Variants in VWA5B2 observed in about 807,000 individuals in gnomAD.
VWA5B2 encodes the protein von Willebrand factor A domain-containing protein 5B2.
VWA5B2 carries 93 observed loss-of-function variants against 118.5 expected under a neutral mutation model. The observed-to-expected ratio is 0.79, with a 90% CI of 0.66 to 0.93. The LOEUF (loss-of-function observed/expected upper bound fraction) is 0.93, where lower values mean the gene tolerates loss of function less well. Ranked by LOEUF, VWA5B2 falls within the 40% of genes least tolerant of loss-of-function variation. The pLI is 0.00. For synonymous variants in VWA5B2, 708 were observed against 716.3 expected (o/e 0.99, Z 0.19); for missense variants, 1,546 against 1,672.8 (o/e 0.92, Z 1.32).
Position 184,239,311 on chromosome 3 carries a change from G to A in VWA5B2, c.2203-83G>A. ...GCGGCCACCCAGGGTTTCAGAAAAG[G>A]GGCATGGGCCAGCTGTGCACCCATG... is the stretch of plus-strand genomic sequence containing the variant. On this transcript the variant is annotated intron_variant, in intron 14 of 19. Transcript: ENST00000691901. This position sits in a 1 kb window ranked among gnomAD's most constrained non-coding sequence, Gnocchi z 5.1. The A allele has an allele frequency of 2.9e-6, 4 of 1,381,816 alleles. No individual in the cohort carries two copies. Among genetic ancestry groups the A allele is most frequent in the Non-Finnish European group, 3.8e-6 (4 of 1,056,768 alleles). 85.6% of individuals were successfully genotyped at this position (1,381,816 alleles called of 1,614,324 possible).
At position 184,240,900 on chromosome 3, in the gene VWA5B2, G is replaced by T; in HGVS notation, c.2850G>T (p.Leu950=). ...TGGATGCTACTACTAGGGAGGTCCT[G>T]CCTGGGGCCCTGCAGGTGTGCAGCT... ...VAVDATTREV[L]PGALQVCSSE... The change falls in exon 17 of 20, where the codon CTG becomes CTT. Residue 950 remains leucine (L), a synonymous_variant. Transcript: ENST00000691901. The T allele has an allele frequency of 6.4e-7, 1 of 1,551,618 alleles. No homozygotes were observed. Among genetic ancestry groups the T allele is most frequent in the Non-Finnish European group, 8.7e-7 (1 of 1,146,970 alleles).
At position 184,240,864 on chromosome 3, in the gene VWA5B2, C is replaced by A; in HGVS notation, c.2814C>A (p.Cys938Ter). ...GCTCTGCCCCCTCCTGCTTCACTTG[C>A]CCTGTAGCTGTGGATGCTACTACTA... is the stretch of plus-strand genomic sequence containing the variant. ...KVSSAPSCFT[C>*]PVAVDATTRE... The change falls in exon 17 of 20, where the codon TGC becomes TGA. Residue 938 changes from cysteine to a stop codon, truncating the protein, a stop_gained. Transcript: ENST00000691901. LOFTEE classifies it high-confidence loss of function. 2 of 1,551,664 alleles carry A rather than the reference C, an allele frequency of 1.3e-6. No individual in the cohort carries two copies. The highest frequency in any genetic ancestry group is 1.7e-6 in the Non-Finnish European group (2 of 1,146,958).
In VWA5B2 at chr3:184,237,347, G is replaced by A. The variant is rs572793270; in HGVS notation, c.1655G>A (p.Gly552Glu). 1 of 1,551,272 alleles carries A rather than the reference G, an allele frequency of 6.4e-7. No individual in the cohort carries two copies. The highest frequency in any genetic ancestry group is 8.7e-7 in the Non-Finnish European group (1 of 1,146,928). ...CGGGAGATCCCAGCACTCTACCCTG[G>A]GGACCAGCTGCTCGGTTACTGCTCA... ...TPREIPALYP[G>E]DQLLGYCSLF... Residue 552 changes from glycine to glutamate, a missense_variant, in exon 12 of 20, where the codon GGG becomes GAG. Physicochemically the swap from Gly to Glu is moderately conservative, Grantham distance 98 (BLOSUM62 -2). Around this residue, in one of 3 missense-constraint regions of VWA5B2, gnomAD observed 775 missense variants for 882.3 expected, o/e 0.88. Coordinates refer to ENST00000691901, the MANE Select transcript of VWA5B2 (RefSeq NM_001390846.1). The surrounding 1 kb of genome is among the most constrained non-coding windows in gnomAD (Gnocchi z 5.6).
chr3:184,237,814 A>G lies in VWA5B2; in HGVS notation c.1719+403A>G, dbSNP rs1311517442. ...GATGGATGAGCATAACCTAGGCACA[A>G]TCTCTAATCCCAGCTCTGTCACTTA... On this transcript the variant is annotated intron_variant, in intron 12 of 19. Transcript: ENST00000691901. The surrounding 1 kb of genome is among the most constrained non-coding windows in gnomAD (Gnocchi z 5.6). Among the ~76,000 whole-genome samples the G allele has an allele frequency of 1.3e-5, 2 of 152,166 alleles. No homozygotes were observed. Among genetic ancestry groups the G allele is most frequent in the East Asian group, 1.9e-4 (1 of 5,194 alleles).
Position 184,242,253 on chromosome 3 carries a change from T to C in VWA5B2, c.*215T>C. On this transcript the variant is annotated 3_prime_UTR_variant, in exon 20 of 20. Transcript: ENST00000691901. ...ACCCCACTCACACTCCCCTCCATCC[T>C]CTGAGCTCCCTGCAACACAGTGGAA... The C allele has an allele frequency of 4.0e-6, 3 of 741,798 alleles. No homozygotes were observed. Among genetic ancestry groups the C allele is most frequent in the Non-Finnish European group, 6.7e-6 (3 of 445,140 alleles). 46.0% of individuals were successfully genotyped at this position (741,798 alleles called of 1,614,324 possible). A position where few individuals can be genotyped will look rare whatever the true frequency, so the allele number is the denominator to read the frequency against.
rs1212787487 is a variant in VWA5B2 at position 184,239,244 on chromosome 3, T to C, written c.2203-150T>C. ...GGAAGGGGCCAAGGCCAGAGGTCAC[T>C]GTAGGCCATAAGGAACTTGGCCTTC... is the stretch of plus-strand genomic sequence containing the variant. On this transcript the variant is annotated intron_variant, in intron 14 of 19. Transcript: ENST00000691901. This position sits in a 1 kb window ranked among gnomAD's most constrained non-coding sequence, Gnocchi z 5.1. 4.9e-6 allele frequency: 4 copies of C among 819,584 alleles called. No homozygotes were observed. The African/African-American group carries it at 7.0e-5, about 14-fold the overall frequency. The allele number at this position is 819,584 out of a possible 1,614,324, so 50.8% of individuals were successfully genotyped here.
intron 10 of VWA5B2, 21 bp from the exon 11 acceptor site, chr3:184,236,617 C>G: frequency 1.9e-6 from 3 of 1,549,772 alleles, no homozygotes; most frequent in Non-Finnish European, 2.6e-6. Flanking sequence ...AAGATCACAG[C>G]TGCTTCCTTT....
chr3:184,236,113 T>TGGGGCCGGCCTCAC (rs1234186483), intron 8 of VWA5B2, 39 bp from the exon 9 acceptor site: 1 of 1,520,788 alleles, frequency 6.6e-7, no homozygotes, highest in South Asian at 1.2e-5. Flanking sequence ...TCAGGGCCCA[T>TGGGGCCGGCCTCAC]GGGGCCGGCC....
intron 7 of VWA5B2, 58 bp downstream of exon 7, chr3:184,234,813 G>C: frequency 1.3e-6 from 2 of 1,546,980 alleles, no homozygotes; most frequent in Non-Finnish European, 1.7e-6. Context: ...TGCACAAGGA[G>C]CAGGCAAGCA....
Position 184,232,114 on chromosome 3 carries a change from A to T in VWA5B2, c.311-1064A>T, listed in dbSNP as rs550391537. On this transcript the variant is annotated intron_variant, in intron 3 of 19. Coordinates refer to ENST00000691901, the MANE Select transcript of VWA5B2 (RefSeq NM_001390846.1). Reference sequence around the variant, plus strand: ...TTGAATCCCAAGTAGTGGGTAATGCAGGCTTCTTCCTGTTATGGGGGATGG... The same window carrying T: ...TTGAATCCCAAGTAGTGGGTAATGCTGGCTTCTTCCTGTTATGGGGGATGG... 2.0e-5 allele frequency among the ~76,000 whole-genome samples: 3 copies of T among 152,256 alleles called. No homozygotes were observed. The East Asian group carries it at 5.8e-4, about 29-fold the overall frequency.
chr3:184,233,077 C>T lies in VWA5B2; in HGVS notation c.311-101C>T. 9.2e-7 allele frequency: 1 copy of T among 1,089,264 alleles called. No homozygotes were observed. Among genetic ancestry groups the T allele is most frequent in the Non-Finnish European group, 1.3e-6 (1 of 755,770 alleles). The allele number at this position is 1,089,264 out of a possible 1,614,324, so 67.5% of individuals were successfully genotyped here. ...AGCCTAGTGCCAACACGCAAAGTCC[C>T]CCTTGCCCAGGCTCCCTGACCCAAT... On this transcript the variant is annotated intron_variant, in intron 3 of 19. Transcript: ENST00000691901. This position sits in a 1 kb window ranked among gnomAD's most constrained non-coding sequence, Gnocchi z 5.2.
chr3:184,236,383 A>G lies in VWA5B2; in HGVS notation c.1253A>G (p.Gln418Arg). The stretch of plus-strand genomic sequence containing the variant: ...ATCTGCGAGAGCATTGAGACCCTGC[A>G]GGTTCCGAGTGGGCCCCCAGACGTG... ...QLICESIETLQVPSGPPDVLA... is the reference protein window; with the variant it reads ...QLICESIETLRVPSGPPDVLA... Residue 418 changes from glutamine to arginine, a missense_variant, in exon 10 of 20, where the codon CAG becomes CGG. This residue lies in a region of VWA5B2 where 775 missense variants were observed against 882.3 expected (regional missense o/e 0.88). Transcript: ENST00000691901. The G allele has an allele frequency of 6.5e-7, 1 of 1,546,614 alleles. No individual in the cohort carries two copies. Among genetic ancestry groups the G allele is most frequent in the Non-Finnish European group, 8.7e-7 (1 of 1,143,908 alleles).
Position 184,233,075 on chromosome 3 carries a change from C to G in VWA5B2, c.311-103C>G, listed in dbSNP as rs1717559389. On this transcript the variant is annotated intron_variant, in intron 3 of 19. Coordinates refer to ENST00000691901, the MANE Select transcript of VWA5B2 (RefSeq NM_001390846.1). The surrounding 1 kb of genome is among the most constrained non-coding windows in gnomAD (Gnocchi z 5.2). ...TTAGCCTAGTGCCAACACGCAAAGTCCCCCTTGCCCAGGCTCCCTGACCCA... is the reference window on the plus strand; with the variant it reads ...TTAGCCTAGTGCCAACACGCAAAGTGCCCCTTGCCCAGGCTCCCTGACCCA... 2 of 1,038,646 alleles carry G rather than the reference C, an allele frequency of 1.9e-6. No individual in the cohort carries two copies. Among genetic ancestry groups the G allele is most frequent in the Non-Finnish European group, 2.8e-6 (2 of 712,168 alleles). 64.3% of individuals were successfully genotyped at this position (1,038,646 alleles called of 1,614,324 possible).
At position 184,230,838 on chromosome 3, in the gene VWA5B2, C is replaced by A; in HGVS notation, c.231C>A (p.Ser77Arg). The A allele has an allele frequency of 4.0e-6, 5 of 1,247,604 alleles. No homozygotes were observed. The highest frequency in any genetic ancestry group is 3.0e-5 in the South Asian group (1 of 33,006). The allele number at this position is 1,247,604 out of a possible 1,614,324, so 77.3% of individuals were successfully genotyped here. A position where few individuals can be genotyped will look rare whatever the true frequency, so the allele number is the denominator to read the frequency against. ...GGCGCGTCTCCTTCCAGCTGCAGAG[C>A]CGGCGCCGCTCGCAGGCCGCCTGCT... ...AGRRVSFQLQSRRRSQAACCR... is the reference protein window; with the variant it reads ...AGRRVSFQLQRRRRSQAACCR... The change falls in exon 3 of 20, where the codon AGC becomes AGA. Residue 77 changes from serine (S) to arginine (R), a missense_variant. Physicochemically the swap from Ser to Arg is moderately radical, Grantham distance 110 (BLOSUM62 -1). Coordinates refer to ENST00000691901, the MANE Select transcript of VWA5B2 (RefSeq NM_001390846.1).
chr3:184,240,917 T>C lies in VWA5B2; in HGVS notation c.2867T>C (p.Val956Ala). The change falls in exon 17 of 20, where the codon GTG (valine) becomes GCG (alanine). Residue 956 changes from valine (V) to alanine (A), a missense_variant. Around this residue, in one of 3 missense-constraint regions of VWA5B2, gnomAD observed 763 missense variants for 766.6 expected, o/e 1.00. Coordinates refer to ENST00000691901, the MANE Select transcript of VWA5B2 (RefSeq NM_001390846.1). The part of the protein sequence containing the change: ...TREVLPGALQ[V>A]CSSEPAEPPG... ...GAGGTCCTGCCTGGGGCCCTGCAGG[T>C]GTGCAGCTCAGGTAGGGGCCTCTTC... 2 of 1,551,554 alleles carry C rather than the reference T, an allele frequency of 1.3e-6. No homozygotes were observed. The highest frequency in any genetic ancestry group is 1.7e-6 in the Non-Finnish European group (2 of 1,146,940).
At position 184,230,459 on chromosome 3, in the gene VWA5B2, G is replaced by C; in HGVS notation, c.-70G>C. 7.3e-7 allele frequency: 1 copy of C among 1,371,402 alleles called. No individual in the cohort carries two copies. Among genetic ancestry groups the C allele is most frequent in the Non-Finnish European group, 9.3e-7 (1 of 1,070,992 alleles). 85.0% of individuals were successfully genotyped at this position (1,371,402 alleles called of 1,614,324 possible). A position where few individuals can be genotyped will look rare whatever the true frequency, so the allele number is the denominator to read the frequency against. On this transcript the variant is annotated 5_prime_UTR_variant, in exon 2 of 20. Transcript: ENST00000691901. ...ACTCTCGCGCTGGCCTCTGGAGCGC[G>C]GGGTGGGCGTCCCGTCACCCTGCGC... is the stretch of plus-strand genomic sequence containing the variant.
chr3:184,241,716 G>A lies in VWA5B2; in HGVS notation c.3407G>A (p.Gly1136Glu), dbSNP rs1560159593. 2.0e-6 allele frequency: 3 copies of A among 1,504,092 alleles called. No individual in the cohort carries two copies. The highest frequency in any genetic ancestry group is 2.7e-6 in the Non-Finnish European group (3 of 1,128,642). The allele number at this position is 1,504,092 out of a possible 1,614,324, so 93.2% of individuals were successfully genotyped here. ...CCGTCCCCCAGCTCGGGCTCTGAGGGGCCAGGCCAGGTGGACAGTGGGCGG... is the reference window on the plus strand; with the variant it reads ...CCGTCCCCCAGCTCGGGCTCTGAGGAGCCAGGCCAGGTGGACAGTGGGCGG... ...CSPSPSSGSE[G>E]PGQVDSGRGS... The change falls in exon 20 of 20, where the codon GGG becomes GAG. Residue 1136 changes from glycine (G) to glutamate (E), a missense_variant. Gly to Glu is a moderately conservative substitution (Grantham distance 98). Around this residue, in one of 3 missense-constraint regions of VWA5B2, gnomAD observed 763 missense variants for 766.6 expected, o/e 1.00. Transcript: ENST00000691901. The surrounding 1 kb of genome is among the most constrained non-coding windows in gnomAD (Gnocchi z 5.1).
rs1470965345 is a variant in VWA5B2 at position 184,233,134 on chromosome 3, C to T, written c.311-44C>T. 6.6e-7 allele frequency: 1 copy of T among 1,516,308 alleles called. No individual in the cohort carries two copies. The highest frequency in any genetic ancestry group is 2.5e-5 in the East Asian group (1 of 40,698). The allele number at this position is 1,516,308 out of a possible 1,614,324, so 93.9% of individuals were successfully genotyped here. On this transcript the variant is annotated intron_variant, in intron 3 of 19. Coordinates refer to ENST00000691901, the MANE Select transcript of VWA5B2 (RefSeq NM_001390846.1). The surrounding 1 kb of genome is among the most constrained non-coding windows in gnomAD (Gnocchi z 5.2). ...TTCCACATCTAGCTTCCTCCCTCTC[C>T]TCTGCTTCCAGCATGCTCTGACCCC...
rs754233596 is a variant in VWA5B2, at chr3:184,241,490, G to A, written c.3181G>A (p.Val1061Met). 2 of 1,553,460 alleles carry A rather than the reference G, an allele frequency of 1.3e-6. No individual in the cohort carries two copies. The highest frequency in any genetic ancestry group is 1.2e-5 in the South Asian group (1 of 83,996). The change falls in exon 20 of 20, where the codon GTG (valine) becomes ATG (methionine). Residue 1061 changes from valine (V) to methionine (M), a missense_variant and splice_region_variant. Around this residue, in one of 3 missense-constraint regions of VWA5B2, gnomAD observed 763 missense variants for 766.6 expected, o/e 1.00. Transcript: ENST00000691901. The surrounding 1 kb of genome is among the most constrained non-coding windows in gnomAD (Gnocchi z 5.1). ...CTCCCCCCACCTCCTCTCTCCTCAGGTGCGGCTGCAGGAGGCACCAGGCTC... is the reference window on the plus strand; with the variant it reads ...CTCCCCCCACCTCCTCTCTCCTCAGATGCGGCTGCAGGAGGCACCAGGCTC... ...EGSDHDYLPL[V>M]RLQEAPGSFR...
Sources: allele counts gnomAD v4.1 joint callset (sites outside exome capture counted in the v4.1 genomes callset), GRCh38; gene constraint gnomAD v4.1.1; regional missense constraint gnomAD v4.1.1; non-coding constraint Gnocchi (gnomAD v3.1); transcripts MANE v1.5; gene names NCBI Gene and HGNC (gene_info 2026-07-23, HGNC 2026-07-21).